PCDHA9: variants seen among roughly 807,000 people sequenced by gnomAD.
PCDHA9 encodes protocadherin alpha-9.
In PCDHA9, 62 loss-of-function variants were observed where a neutral mutation model predicts 62.0. The ratio of observed to expected loss-of-function variants is 1.00; its 90% CI spans 0.81 to 1.23. The LOEUF is 1.23. Among genes scored for constraint, PCDHA9 ranks in the 50% most tolerant of loss-of-function variants. The pLI is 0.00. For synonymous variants in PCDHA9, 557 were observed against 567.6 expected (o/e 0.98, Z 0.27); for missense variants, 1,205 against 1,249.8 (o/e 0.96, Z 0.54).
rs569728778 is a variant in PCDHA9 at position 140,900,297 on chromosome 5, T to G, written c.2394+49408T>G. 1.4e-4 allele frequency among the ~76,000 whole-genome samples: 22 copies of G among 151,920 alleles called. No individual in the cohort carries two copies. In the East Asian group the frequency reaches 4.1e-3, roughly 28 times the overall value. On this transcript the variant is annotated intron_variant, in intron 1 of 3. Transcript: ENST00000532602. Reference sequence around the variant, plus strand: ...TACCACACTTTCTTTTCTGTTTTTTTAGACAGTCTCACTTTTGTCGCCCAG... The same window carrying G: ...TACCACACTTTCTTTTCTGTTTTTTGAGACAGTCTCACTTTTGTCGCCCAG...
chr5:140,938,180 A>G (rs913967767), intron 1 of PCDHA9, among the ~76,000 whole-genome samples: 2 of 152,166 alleles, frequency 1.3e-5, no homozygotes, highest in Non-Finnish European at 2.9e-5. Flanking sequence ...TCCTGGGCTC[A>G]AGCAATCCTC....
At chr5:140,884,634 G>A in intron 1 of PCDHA9, 1 of 1,612,414 alleles carries the variant, frequency 6.2e-7, no homozygotes, top group Non-Finnish European at 8.5e-7. Context: ...ACAGGCCAGA[G>A]GGAGGAGGAC....
intron 1 of PCDHA9, chr5:140,967,063 C>T (rs1554229129): frequency 6.2e-7 from 1 of 1,612,820 alleles, no homozygotes; most frequent in Non-Finnish European, 8.5e-7. Flanking sequence ...GTGGAGCGCT[C>T]TTCGTCAACG....
intron 1 of PCDHA9, among the ~76,000 whole-genome samples, chr5:140,951,684 A>G (rs1392497741): frequency 3.3e-5 from 5 of 152,144 alleles, no homozygotes; most frequent in African/African-American, 1.2e-4. Flanking sequence ...GGGGATTACA[A>G]TGTGACATGA....
chr5:140,925,124 A>AGGAAGGAAGG (rs1554202565), intron 1 of PCDHA9, among the ~76,000 whole-genome samples: 1 of 151,854 alleles, frequency 6.6e-6, no homozygotes. Flanking sequence ...GAAGGAAGGA[A>AGGAAGGAAGG]AAAAAATTTC....
intron 1 of PCDHA9, chr5:140,877,318 G>A: frequency 6.2e-7 from 1 of 1,614,000 alleles, no homozygotes; most frequent in Non-Finnish European, 8.5e-7. Context: ...ACCGGCGGCG[G>A]TCGGCGCGCA....
intron 1 of PCDHA9, chr5:140,928,899 T>C (rs2085633672): frequency 2.5e-6 from 4 of 1,614,088 alleles, no homozygotes; most frequent in South Asian, 1.1e-5. Flanking sequence ...ACTTTGAAGA[T>C]GTCTGGGAAC....
chr5:140,897,671 C>T (rs1329195952), intron 1 of PCDHA9, among the ~76,000 whole-genome samples: 1 of 152,066 alleles, frequency 6.6e-6, no homozygotes, highest in Non-Finnish European at 1.5e-5. Flanking sequence ...GTCTTTATAG[C>T]AGCATGATTT....
chr5:140,941,876 C>T (rs1293978062), intron 1 of PCDHA9, among the ~76,000 whole-genome samples: 1 of 152,166 alleles, frequency 6.6e-6, no homozygotes, highest in Non-Finnish European at 1.5e-5. Flanking sequence ...GTTCTATCAC[C>T]AGTGACTAGC....
intron 1 of PCDHA9, chr5:140,927,699 G>A (rs155361): frequency 0.52 from 840,731 of 1,613,754 alleles, 221,277 homozygotes; most frequent in African/African-American, 0.71. Context: ...GGGAAGTCCA[G>A]TACTCCCTAA....
intron 1 of PCDHA9, chr5:140,855,963 AT>A: frequency 7.1e-7 from 1 of 1,404,396 alleles, no homozygotes; most frequent in Non-Finnish European, 9.7e-7. Context: ...TAAAAAATAG[AT>A]ATAAGAAATA....
intron 1 of PCDHA9, among the ~76,000 whole-genome samples, chr5:140,978,640 G>T (rs1339340351): frequency 6.6e-6 from 1 of 152,252 alleles, no homozygotes; most frequent in African/African-American, 2.4e-5. Flanking sequence ...TCTCAAAGCA[G>T]ACTGTTCTTC....
At chr5:140,932,413 A>G (rs2088287956) in intron 1 of PCDHA9, among the ~76,000 whole-genome samples, 1 of 151,930 alleles carries the variant, frequency 6.6e-6, no homozygotes, top group Admixed American at 6.6e-5. Flanking sequence ...ATGTTATATT[A>G]GTGTATTGTT....
At chr5:140,893,616 G>C (rs1431019657) in intron 1 of PCDHA9, among the ~76,000 whole-genome samples, 3 of 152,188 alleles carry the variant, frequency 2.0e-5, no homozygotes, top group African/African-American at 7.2e-5. Context: ...CATTTCTGAA[G>C]TATAGCTCTG....
chr5:140,948,318 A>G (rs1423632599), intron 1 of PCDHA9, among the ~76,000 whole-genome samples: 1 of 151,520 alleles, frequency 6.6e-6, no homozygotes, highest in Non-Finnish European at 1.5e-5. Flanking sequence ...TTGAGGGGTA[A>G]TGTTTTCATT....
In PCDHA9 at chr5:140,857,075, A is replaced by C. The variant is rs782381292; in HGVS notation, c.2394+6186A>C. On this transcript the variant is annotated intron_variant, in intron 1 of 3. Coordinates refer to ENST00000532602, the MANE Select transcript of PCDHA9 (RefSeq NM_031857.2). ...GGTCCTAGTGGAACTACTGGATGAA[A>C]ATGATAATTCACCTGAGGTGATTGT... is the stretch of plus-strand genomic sequence containing the variant. 10 of 1,597,052 alleles carry C rather than the reference A, an allele frequency of 6.3e-6. 1 individual carries two copies. The highest frequency in any genetic ancestry group is 8.6e-6 in the Non-Finnish European group (10 of 1,166,684).
intron 1 of PCDHA9, among the ~76,000 whole-genome samples, chr5:140,922,458 C>A (rs782064554): frequency 6.6e-6 from 1 of 152,160 alleles, no homozygotes; most frequent in Non-Finnish European, 1.5e-5. Context: ...TATTTGTCAA[C>A]ACAAAATAGG....
Position 140,959,507 on chromosome 5 carries a change from T to C in PCDHA9, c.2395-19442T>C, listed in dbSNP as rs144994756. 4.4e-3 allele frequency among the ~76,000 whole-genome samples: 673 copies of C among 152,282 alleles called. 7 individuals are homozygous for C. Among genetic ancestry groups the C allele is most frequent in the African/African-American group, 0.015 (604 of 41,550 alleles). On this transcript the variant is annotated intron_variant, in intron 1 of 3. Coordinates refer to ENST00000532602, the MANE Select transcript of PCDHA9 (RefSeq NM_031857.2). Reference sequence around the variant, plus strand: ...GTTATATATGGATCAAACTAAAAAATTTTAAGATCTTTAAGACCATTAATT... The same window carrying C: ...GTTATATATGGATCAAACTAAAAAACTTTAAGATCTTTAAGACCATTAATT...
chr5:140,941,191 T>TTTTTTTC lies in PCDHA9; in HGVS notation c.2395-37755_2395-37754insTTTCTTT, dbSNP rs1554213809. ...CATCTTGAACATCCTGCTTCTTTTT[T>TTTTTTTC]TTTCTTTCTTCCTTTCTTTCTTCCT... is the stretch of plus-strand genomic sequence containing the variant. On this transcript the variant is annotated intron_variant, in intron 1 of 3. Coordinates refer to ENST00000532602, the MANE Select transcript of PCDHA9 (RefSeq NM_031857.2). Among the ~76,000 whole-genome samples, 30 of 93,254 alleles carry TTTTTTTC rather than the reference T, an allele frequency of 3.2e-4. 1 individual carries two copies. Among genetic ancestry groups the TTTTTTTC allele is most frequent in the Admixed American group, 1.8e-3 (15 of 8,146 alleles). The allele number at this position is 93,254 out of a possible 152,430, so 61.2% of individuals were successfully genotyped here.
Sources: gnomAD v4.1 joint callset for allele counts (sites outside exome capture counted in the v4.1 genomes callset) on GRCh38, gnomAD v4.1.1 for gene constraint, MANE v1.5 for transcripts, NCBI Gene and HGNC (gene_info 2026-07-23, HGNC 2026-07-21) for gene names.